SPAG17: variants seen among roughly 807,000 people sequenced by gnomAD.
The protein encoded by SPAG17 is sperm associated antigen 17, also known as sperm-associated antigen 17.
A neutral mutation model predicts 273.6 loss-of-function variants in SPAG17; 169 were observed. That is an observed-to-expected ratio of 0.62 (90% confidence interval 0.55 to 0.70). The LOEUF is 0.70. Ranked by LOEUF, SPAG17 falls within the 30% of genes least tolerant of loss-of-function variation. SPAG17 has a pLI of 0.00. For synonymous variants in SPAG17, 825 were observed against 873.2 expected (o/e 0.94, Z 0.97); for missense variants, 2,557 against 2,627.8 (o/e 0.97, Z 0.59).
chr1:117,975,956 T>C (rs1259062819), intron 43 of SPAG17, among the ~76,000 whole-genome samples: 1 of 152,200 alleles, frequency 6.6e-6, no homozygotes, highest in Non-Finnish European at 1.5e-5. Flanking sequence ...GTGCTAAGCA[T>C]TTTACATACA....
intron 1 of SPAG17, among the ~76,000 whole-genome samples, chr1:118,158,097 A>G (rs1327972667): frequency 6.6e-6 from 1 of 152,198 alleles, no homozygotes; most frequent in Non-Finnish European, 1.5e-5. Context: ...ACGTGTTTCT[A>G]AAGTATTTTG....
rs146260914 is a variant in SPAG17, at chr1:118,104,051, C to T, written c.448-2125G>A. ...ACAAGTTTATGTCTTAACTAAAATG[C>T]AATGGGAAGATTTTAAAGGGTTTTA... On this transcript the variant is annotated intron_variant, in intron 4 of 48. Coordinates refer to ENST00000336338, the MANE Select transcript of SPAG17 (RefSeq NM_206996.4). Among the ~76,000 whole-genome samples, 222 of 152,070 alleles carry T rather than the reference C, an allele frequency of 1.5e-3. 1 individual carries two copies. Among genetic ancestry groups the T allele is most frequent in the African/African-American group, 5.1e-3 (210 of 41,482 alleles).
At chr1:118,037,760 G>C (rs1036622639) in intron 23 of SPAG17, among the ~76,000 whole-genome samples, 5 of 152,080 alleles carry the variant, frequency 3.3e-5, no homozygotes, top group African/African-American at 1.2e-4. Flanking sequence ...TGAGCAACTA[G>C]GTTGATTCCA....
intron 3 of SPAG17, among the ~76,000 whole-genome samples, chr1:118,140,261 T>C (rs1036352048): frequency 1.3e-5 from 2 of 152,130 alleles, no homozygotes; most frequent in Non-Finnish European, 2.9e-5. Context: ...AAAGGAAAAA[T>C]ACATTTTTTC....
chr1:117,992,459 C>G lies in SPAG17; in HGVS notation c.5361+7G>C. 1 of 1,595,434 alleles carries G rather than the reference C, an allele frequency of 6.3e-7. No individual in the cohort carries two copies. The stretch of plus-strand genomic sequence containing the variant: ...TCTTTTGGGTCAGGTCACCTAGATT[C>G]CATTACCTTAAGGGAAACCTGCAGC... On this transcript the variant is annotated splice_region_variant and intron_variant, in intron 36 of 48. Coordinates refer to ENST00000336338, the MANE Select transcript of SPAG17 (RefSeq NM_206996.4).
At chr1:118,030,098 T>C (rs1361108580) in intron 25 of SPAG17, among the ~76,000 whole-genome samples, 2 of 152,140 alleles carry the variant, frequency 1.3e-5, no homozygotes, top group Admixed American at 6.6e-5. Flanking sequence ...TTTGGCCAAA[T>C]TAATTTTAAA....
rs1655366913 is a variant in SPAG17, at chr1:118,091,493, G to T, written c.1359+113C>A. 6 of 636,098 alleles carry T rather than the reference G, an allele frequency of 9.4e-6. No homozygotes were observed. The South Asian group carries it at 1.2e-4, about 13-fold the overall frequency. 39.4% of individuals were successfully genotyped at this position (636,098 alleles called of 1,614,324 possible). On this transcript the variant is annotated intron_variant, in intron 10 of 48. Transcript: ENST00000336338. ...CTGAACTATTCTAATCTTTATAAAG[G>T]AGAATGCACTTAGGTATTATGAGTA...
chr1:118,147,513 G>A (rs1659081609), intron 3 of SPAG17, among the ~76,000 whole-genome samples: 2 of 152,172 alleles, frequency 1.3e-5, no homozygotes, highest in South Asian at 2.1e-4. Flanking sequence ...TCTTGAAACA[G>A]TTCCTAGTAG....
intron 44 of SPAG17, among the ~76,000 whole-genome samples, 158 bp from the exon 45 acceptor site, chr1:117,972,205 G>A (rs1470166016): frequency 6.6e-6 from 1 of 152,212 alleles, no homozygotes; most frequent in Admixed American, 6.5e-5. Context: ...CTGTGAGGAC[G>A]TATTTTAGGC....
intron 10 of SPAG17, among the ~76,000 whole-genome samples, chr1:118,091,293 C>T (rs1655353070): frequency 6.6e-6 from 1 of 152,140 alleles, no homozygotes; most frequent in African/African-American, 2.4e-5. Context: ...CTATTAACAA[C>T]CTCACCCACT....
intron 3 of SPAG17, among the ~76,000 whole-genome samples, chr1:118,146,858 G>C (rs1659024742): frequency 6.6e-6 from 1 of 152,120 alleles, no homozygotes; most frequent in South Asian, 2.1e-4. Context: ...TTTTAGAATT[G>C]TGATGTGGGC....
chr1:118,164,650 G>T (rs1660077945), intron 1 of SPAG17, among the ~76,000 whole-genome samples: 2 of 152,136 alleles, frequency 1.3e-5, no homozygotes, highest in African/African-American at 2.4e-5. Flanking sequence ...CAATCTATTA[G>T]TTTTTCTGAG....
chr1:118,150,646 TTTAC>T lies in SPAG17; in HGVS notation c.229-21_229-18del. The T allele has an allele frequency of 3.7e-6, 5 of 1,362,594 alleles. No individual in the cohort carries two copies. The South Asian group carries it at 3.8e-5, about 10-fold the overall frequency. The allele number at this position is 1,362,594 out of a possible 1,614,324, so 84.4% of individuals were successfully genotyped here. ...TTCATTAATCTGTAAGAAAATTAAA[TTTAC>T]TTATGATGAAAAAAGCCTTATTTGA... is the stretch of plus-strand genomic sequence containing the variant. On this transcript the variant is annotated intron_variant, in intron 2 of 48. Transcript: ENST00000336338.
At chr1:117,958,704 A>G (rs1044185417) in intron 48 of SPAG17, among the ~76,000 whole-genome samples, 3 of 151,538 alleles carry the variant, frequency 2.0e-5, no homozygotes, top group African/African-American at 7.3e-5. Flanking sequence ...CATAAGGTTT[A>G]GGACAGTATT....
chr1:117,988,568 G>A lies in SPAG17; in HGVS notation c.5522-364C>T, dbSNP rs1055888122. ...TTTTTCTGGATATTTTCCTGTTCCC[G>A]AATCTAAGAACATGATTATAAGACA... On this transcript the variant is annotated intron_variant, in intron 38 of 48. Coordinates refer to ENST00000336338, the MANE Select transcript of SPAG17 (RefSeq NM_206996.4). Among the ~76,000 whole-genome samples, 9 of 152,114 alleles carry A rather than the reference G, an allele frequency of 5.9e-5. No homozygotes were observed. In the South Asian group the frequency reaches 1.0e-3, roughly 18 times the overall value.
intron 3 of SPAG17, among the ~76,000 whole-genome samples, chr1:118,121,371 T>C (rs918843987): frequency 9.9e-5 from 15 of 152,124 alleles, no homozygotes; most frequent in Non-Finnish European, 2.2e-4. Context: ...ACTTTAGTGA[T>C]ATATATCAGG....
At chr1:118,181,582 T>C (rs1489358242) in intron 1 of SPAG17, among the ~76,000 whole-genome samples, 2 of 152,130 alleles carry the variant, frequency 1.3e-5, no homozygotes, top group African/African-American at 4.8e-5. Flanking sequence ...TCAACATCAC[T>C]TATCATTAGA....
chr1:118,128,187 A>C (rs1218463921), intron 3 of SPAG17, among the ~76,000 whole-genome samples: 1 of 150,838 alleles, frequency 6.6e-6, no homozygotes, highest in Non-Finnish European at 1.5e-5. Context: ...TGCAAATGGG[A>C]TTGCTTTTTT....
chr1:118,023,529 C>A, intron 27 of SPAG17, 66 bp from the exon 28 acceptor site: 2 of 1,486,666 alleles, frequency 1.3e-6, no homozygotes, highest in South Asian at 1.3e-5. Flanking sequence ...ACAATAAACG[C>A]TGTGTGTCAA....
Sources: gnomAD v4.1 joint callset for allele counts (sites outside exome capture counted in the v4.1 genomes callset) on GRCh38, gnomAD v4.1.1 for gene constraint, MANE v1.5 for transcripts, NCBI Gene and HGNC (gene_info 2026-07-23, HGNC 2026-07-21) for gene names.